HS3ST1: variants seen among roughly 807,000 people sequenced by gnomAD.
HS3ST1 encodes heparan sulfate glucosamine 3-O-sulfotransferase 1.
Under a neutral mutation model 20.7 loss-of-function variants are expected in HS3ST1, and 8 were observed. The observed-to-expected ratio is 0.39, with a 90% CI of 0.23 to 0.70. The LOEUF is 0.70. Ranked by LOEUF, HS3ST1 falls within the 30% of genes least tolerant of loss-of-function variation. The pLI, the probability that HS3ST1 is intolerant of heterozygous loss-of-function variation, is 0.46. For missense variants in HS3ST1, 436 were observed against 423.4 expected (o/e 1.03, Z -0.26); for synonymous variants, 205 against 190.4 (o/e 1.08, Z -0.63).
At chr4:11,401,339 G>A (rs1290016867) in intron 1 of HS3ST1, among the ~76,000 whole-genome samples, 1 of 143,898 alleles carries the variant, frequency 6.9e-6, no homozygotes, top group East Asian at 2.0e-4. Context: ...CAAGGCAGAT[G>A]TCACCGCCAT....
upstream of HS3ST1, among the ~76,000 whole-genome samples, chr4:11,433,242 A>G (rs1166973313): frequency 6.6e-6 from 1 of 152,210 alleles, no homozygotes; most frequent in East Asian, 1.9e-4. Context: ...AGCTCTGGGC[A>G]GTGTGCCTAA....
Position 11,399,153 on chromosome 4 carries a change from G to A in HS3ST1, c.853C>T (p.Leu285=). The A allele has an allele frequency of 6.2e-7, 1 of 1,614,180 alleles. No homozygotes were observed. Among genetic ancestry groups the A allele is most frequent in the South Asian group, 1.1e-5 (1 of 91,090 alleles). ...PQVDPKLLNK[L]HEYFHEPNKK... is the part of the protein sequence containing the mutation. ...TTTGGCTCATGAAAATATTCGTGCA[G>A]TTTATTGAGTAGTTTGGGATCGACT... Residue 285 remains leucine (L), a synonymous_variant, in exon 2 of 2, where the codon CTG becomes TTG. Coordinates refer to ENST00000002596, the MANE Select transcript of HS3ST1 (RefSeq NM_005114.4). This position sits in a 1 kb window ranked among gnomAD's most constrained non-coding sequence, Gnocchi z 5.1.
chr4:11,409,147 G>A (rs1430320211), intron 1 of HS3ST1, among the ~76,000 whole-genome samples: 1 of 152,210 alleles, frequency 6.6e-6, no homozygotes, highest in Non-Finnish European at 1.5e-5. Flanking sequence ...CTCCCAATTT[G>A]CATCTTACTA....
At chr4:11,418,712 AC>A (rs1718851012) in intron 1 of HS3ST1, among the ~76,000 whole-genome samples, 1 of 152,062 alleles carries the variant, frequency 6.6e-6, no homozygotes. Context: ...CACCATGCAA[AC>A]CAATAAACCA....
intron 1 of HS3ST1, among the ~76,000 whole-genome samples, chr4:11,404,574 G>C (rs926986112): frequency 6.6e-6 from 1 of 152,162 alleles, no homozygotes; most frequent in South Asian, 2.1e-4. Context: ...GATTCTCTAC[G>C]CACTCACAGA....
intron 1 of HS3ST1, among the ~76,000 whole-genome samples, chr4:11,403,193 T>G (rs1229073710): frequency 2.6e-5 from 4 of 152,234 alleles, no homozygotes; most frequent in Non-Finnish European, 5.9e-5. Context: ...ACATATGTGT[T>G]TGTGTGTGTA....
At chr4:11,414,859 AC>A (rs1198027954) in intron 1 of HS3ST1, among the ~76,000 whole-genome samples, 1 of 151,908 alleles carries the variant, frequency 6.6e-6, no homozygotes, top group Non-Finnish European at 1.5e-5. Context: ...CCCTTTCCTC[AC>A]CCCCACAATG....
intron 1 of HS3ST1, among the ~76,000 whole-genome samples, chr4:11,418,680 G>T (rs1279524270): frequency 6.6e-6 from 1 of 152,102 alleles, no homozygotes; most frequent in African/African-American, 2.4e-5. Context: ...TGGGGCTTAG[G>T]GACAGGAGGA....
At chr4:11,415,815 G>A (rs1718765676) in intron 1 of HS3ST1, among the ~76,000 whole-genome samples, 1 of 152,230 alleles carries the variant, frequency 6.6e-6, no homozygotes, top group African/African-American at 2.4e-5. Context: ...AGCAGGTGAT[G>A]ACAATCTTAA....
At chr4:11,404,267 C>G (rs1355953345) in intron 1 of HS3ST1, among the ~76,000 whole-genome samples, 1 of 152,156 alleles carries the variant, frequency 6.6e-6, no homozygotes, top group Non-Finnish European at 1.5e-5. Flanking sequence ...TCAGACTGGT[C>G]TCGAACTCCT....
intron 1 of HS3ST1, among the ~76,000 whole-genome samples, chr4:11,418,938 A>G (rs572225868): frequency 1.6e-4 from 24 of 152,178 alleles, no homozygotes; most frequent in African/African-American, 5.3e-4. Flanking sequence ...CCTCAAGATC[A>G]TGAGGTGTTG....
intron 1 of HS3ST1, among the ~76,000 whole-genome samples, chr4:11,416,713 A>G (rs999048846): frequency 2.0e-5 from 3 of 152,204 alleles, no homozygotes; most frequent in African/African-American, 7.2e-5. Flanking sequence ...CTGGCTCTTA[A>G]AGCTTCAGGC....
Position 11,399,592 on chromosome 4 carries a change from C to G in HS3ST1, c.414G>C (p.Pro138=). Residue 138 remains proline (P), a synonymous_variant, in exon 2 of 2, where the codon CCG becomes CCC. Transcript: ENST00000002596. The surrounding 1 kb of genome is among the most constrained non-coding windows in gnomAD (Gnocchi z 5.1). ...GCAGGATGAGCAGCAGCCGGATGGA[C>G]GGGTTCATGCTGTAGACTCGCTCAG... ...KVPERVYSMN[P]SIRLLLILRD... is the part of the protein sequence containing the mutation. 1 of 1,613,850 alleles carries G rather than the reference C, an allele frequency of 6.2e-7. No individual in the cohort carries two copies. The highest frequency in any genetic ancestry group is 8.5e-7 in the Non-Finnish European group (1 of 1,180,034).
rs139209667 is a variant in HS3ST1, at chr4:11,413,300, T to C, written c.-108-13187A>G. On this transcript the variant is annotated intron_variant, in intron 1 of 1. Coordinates refer to ENST00000002596, the MANE Select transcript of HS3ST1 (RefSeq NM_005114.4). ...TCCCCACACCAAACAGGCAGCTTAA[T>C]CACCTTCTAGGCTGGAGGAAGGCAG... Among the ~76,000 whole-genome samples, 694 of 152,240 alleles carry C rather than the reference T, an allele frequency of 4.6e-3. 3 individuals carry two copies. Among genetic ancestry groups the C allele is most frequent in the African/African-American group, 0.016 (666 of 41,550 alleles).
intron 1 of HS3ST1, among the ~76,000 whole-genome samples, chr4:11,416,390 G>C (rs1315061563): frequency 6.6e-6 from 1 of 152,186 alleles, no homozygotes; most frequent in Non-Finnish European, 1.5e-5. Flanking sequence ...CCGTGGTTCT[G>C]TCCTGCTCTC....
chr4:11,397,765 T>C lies in HS3ST1; in HGVS notation c.*1317A>G, dbSNP rs1718179418. 1 of 152,242 alleles carries C rather than the reference T, an allele frequency of 6.6e-6. No homozygotes were observed. Among genetic ancestry groups the C allele is most frequent in the African/African-American group, 2.4e-5 (1 of 41,456 alleles). 9.4% of individuals were successfully genotyped at this position (152,242 alleles called of 1,614,324 possible). A position where few individuals can be genotyped will look rare whatever the true frequency, so the allele number is the denominator to read the frequency against. ...TGATTAATAACGTCCATTTCTGTCATTTTCCTGCGGTATAAACCATGTCAG... is the reference window on the plus strand; with the variant it reads ...TGATTAATAACGTCCATTTCTGTCACTTTCCTGCGGTATAAACCATGTCAG... On this transcript the variant is annotated 3_prime_UTR_variant, in exon 2 of 2. Transcript: ENST00000002596.
At chr4:11,428,270 G>C (rs1428059558) in intron 1 of HS3ST1, among the ~76,000 whole-genome samples, 1 of 152,204 alleles carries the variant, frequency 6.6e-6, no homozygotes, top group East Asian at 1.9e-4. Flanking sequence ...ACTTTTGCGG[G>C]CTGTGTCCTC....
rs16881451 is a variant in HS3ST1 at position 11,407,733 on chromosome 4, A to G, written c.-108-7620T>C. Among the ~76,000 whole-genome samples the G allele has an allele frequency of 5.9e-3, 894 of 152,388 alleles. 14 individuals carry two copies. Among genetic ancestry groups the G allele is most frequent in the African/African-American group, 0.021 (860 of 41,602 alleles). Reference sequence around the variant, plus strand: ...TGGCTGCAAGTTACAGTCATCAGGCATAGTGCTTTCCAAACATGCATATGC... The same window carrying G: ...TGGCTGCAAGTTACAGTCATCAGGCGTAGTGCTTTCCAAACATGCATATGC... On this transcript the variant is annotated intron_variant, in intron 1 of 1. Coordinates refer to ENST00000002596, the MANE Select transcript of HS3ST1 (RefSeq NM_005114.4).
At chr4:11,411,571 C>G (rs1200175557) in intron 1 of HS3ST1, among the ~76,000 whole-genome samples, 4 of 152,008 alleles carry the variant, frequency 2.6e-5, no homozygotes, top group Non-Finnish European at 5.9e-5. Context: ...GTAATCTATC[C>G]AGAGAAACAA....
Sources: gnomAD v4.1 joint callset for allele counts (sites outside exome capture counted in the v4.1 genomes callset) on GRCh38, gnomAD v4.1.1 for gene constraint, Gnocchi (gnomAD v3.1) non-coding constraint, MANE v1.5 for transcripts, NCBI Gene and HGNC (gene_info 2026-07-23, HGNC 2026-07-21) for gene names.